Variants in THADA observed in about 807,000 individuals in gnomAD.
THADA encodes tRNA (32-2'-O)-methyltransferase regulator THADA.
THADA carries 213 observed loss-of-function variants against 219.8 expected under a neutral mutation model. The ratio of observed to expected loss-of-function variants is 0.97; its 90% CI spans 0.87 to 1.09. The LOEUF (loss-of-function observed/expected upper bound fraction) is 1.09. Among genes scored for constraint, THADA ranks in the 50% least tolerant of loss-of-function variants. The probability of loss-of-function intolerance (pLI) is 0.00; values close to 1 mark genes in which losing one functional copy is unlikely to be tolerated. For missense variants in THADA, 2,956 were observed against 2,311.3 expected (o/e 1.28, Z -5.72); for synonymous variants, 1,018 against 828.9 (o/e 1.23, Z -3.92).
At chr2:43,578,772 C>T (rs897245083) in intron 8 of THADA, among the ~76,000 whole-genome samples, 165 bp from the exon 9 acceptor site, 1 of 152,200 alleles carries the variant, frequency 6.6e-6, no homozygotes, top group Non-Finnish European at 1.5e-5. Flanking sequence ...CACAGACTCT[C>T]TTTTCTCTTG....
At chr2:43,561,568 T>C (rs1238838826) in intron 15 of THADA, among the ~76,000 whole-genome samples, 1 of 152,238 alleles carries the variant, frequency 6.6e-6, no homozygotes, top group African/African-American at 2.4e-5. Context: ...AACATTATTA[T>C]GCTTAGTTAA....
At chr2:43,544,136 C>A (rs1259574758) in intron 20 of THADA, among the ~76,000 whole-genome samples, 1 of 152,130 alleles carries the variant, frequency 6.6e-6, no homozygotes, top group Non-Finnish European at 1.5e-5. Context: ...GGAATCCTCT[C>A]CCCCATTGCT....
chr2:43,549,440 A>C (rs755907673), intron 19 of THADA, 72 bp from the exon 20 acceptor site: 186 of 1,448,812 alleles, frequency 1.3e-4, no homozygotes, highest in Non-Finnish European at 1.7e-4. Flanking sequence ...GGGGATGCTT[A>C]CTCAAAAAAT....
At chr2:43,558,875 TA>T (rs1697716113) in intron 16 of THADA, among the ~76,000 whole-genome samples, 1 of 152,106 alleles carries the variant, frequency 6.6e-6, no homozygotes, top group South Asian at 2.1e-4. Flanking sequence ...AGCCAGAGAG[TA>T]TAATCAAAAT....
chr2:43,543,132 T>C (rs1367517172), intron 20 of THADA, among the ~76,000 whole-genome samples: 1 of 150,630 alleles, frequency 6.6e-6, no homozygotes. Context: ...GTGTTTCGTT[T>C]TTTGTTCTTG....
intron 26 of THADA, 104 bp downstream of exon 26, chr2:43,485,130 T>G: frequency 1.2e-6 from 1 of 808,896 alleles, no homozygotes; most frequent in Non-Finnish European, 2.0e-6. Flanking sequence ...AGTTTTATGC[T>G]CTAGATGAAT....
At chr2:43,442,624 G>C (rs776235736) in intron 26 of THADA, among the ~76,000 whole-genome samples, 17 of 152,122 alleles carry the variant, frequency 1.1e-4, no homozygotes, top group Non-Finnish European at 1.9e-4. Context: ...TTAGAAACTT[G>C]AATGCCAAGC....
chr2:43,416,985 A>G (rs1208267834), intron 28 of THADA, among the ~76,000 whole-genome samples: 1 of 149,812 alleles, frequency 6.7e-6, no homozygotes, highest in African/African-American at 2.5e-5. Context: ...ATAAGAAAAC[A>G]TTGGCAATTT....
intron 21 of THADA, among the ~76,000 whole-genome samples, chr2:43,534,275 A>G (rs1217621726): frequency 6.6e-6 from 1 of 152,196 alleles, no homozygotes; most frequent in Non-Finnish European, 1.5e-5. Context: ...ATCAGATCAG[A>G]ATAATCAGCT....
At position 43,395,729 on chromosome 2, in the gene THADA, T is replaced by A. The variant is rs140259392; in HGVS notation, c.4227+2242A>T. Among the ~76,000 whole-genome samples, 336 of 152,328 alleles carry A rather than the reference T, an allele frequency of 2.2e-3. 2 individuals are homozygous for A. The highest frequency in any genetic ancestry group is 7.6e-3 in the African/African-American group (316 of 41,568). ...TAATGCAATATGTGCTTGGAAGTCCTCGTGTTTTAATATTTTCTCAAGTTT... is the reference window on the plus strand; with the variant it reads ...TAATGCAATATGTGCTTGGAAGTCCACGTGTTTTAATATTTTCTCAAGTTT... On this transcript the variant is annotated intron_variant, in intron 29 of 37. Transcript: ENST00000405975.
At chr2:43,292,008 G>A (rs1471131954) in intron 33 of THADA, 96 bp downstream of exon 33, 1 of 847,988 alleles carries the variant, frequency 1.2e-6, no homozygotes, top group African/African-American at 1.7e-5. Flanking sequence ...TACAGGACCT[G>A]AGACCTGAGG....
At chr2:43,531,225 C>T (rs762529471) in intron 21 of THADA, among the ~76,000 whole-genome samples, 1 of 152,218 alleles carries the variant, frequency 6.6e-6, no homozygotes, top group Non-Finnish European at 1.5e-5. Flanking sequence ...TGAGAAAACA[C>T]TTCACATCCA....
intron 16 of THADA, among the ~76,000 whole-genome samples, chr2:43,558,994 C>A (rs1204714940): frequency 1.3e-5 from 2 of 152,110 alleles, no homozygotes; most frequent in African/African-American, 4.8e-5. Flanking sequence ...CCCTGAGCCC[C>A]TTAGTGATGT....
intron 36 of THADA, among the ~76,000 whole-genome samples, chr2:43,268,352 GCA>G (rs1364662696): frequency 1.3e-5 from 2 of 152,132 alleles, no homozygotes; most frequent in African/African-American, 4.8e-5. Context: ...TCTGAAAGGT[GCA>G]CAGATTCCCA....
intron 36 of THADA, among the ~76,000 whole-genome samples, chr2:43,235,187 C>T (rs1230917825): frequency 6.6e-6 from 1 of 152,038 alleles, no homozygotes. Flanking sequence ...ACCATGTTGG[C>T]CAGGCTAGTC....
intron 17 of THADA, chr2:43,556,094 T>C: frequency 1.2e-6 from 1 of 868,564 alleles, no homozygotes; most frequent in Non-Finnish European, 1.5e-6. Context: ...AAGAGGTCAT[T>C]CTCATTTCAA....
intron 36 of THADA, among the ~76,000 whole-genome samples, chr2:43,279,052 G>A (rs1397658493): frequency 6.6e-6 from 1 of 152,154 alleles, no homozygotes; most frequent in Non-Finnish European, 1.5e-5. Context: ...CCAGAGGTGT[G>A]ACCTTATTTC....
intron 30 of THADA, chr2:43,343,610 G>C (rs1164381715): frequency 6.6e-6 from 1 of 152,352 alleles, no homozygotes; most frequent in Admixed American, 6.5e-5. Flanking sequence ...ACTAACAATG[G>C]CAAGGATGAA....
At chr2:43,535,675 CAAAAAAAAAAAA>C (rs1177702416) in intron 21 of THADA, among the ~76,000 whole-genome samples, 1 of 30,354 alleles carries the variant, frequency 3.3e-5, no homozygotes, top group South Asian at 1.4e-3. Context: ...CAGCGAGACT[CAAAAAAAAAAAA>C]AAAAAAAAAA....
Sources: gnomAD v4.1 joint callset for allele counts (sites outside exome capture counted in the v4.1 genomes callset) on GRCh38, gnomAD v4.1.1 for gene constraint, MANE v1.5 for transcripts, NCBI Gene and HGNC (gene_info 2026-07-23, HGNC 2026-07-21) for gene names.